FAM219A: variants seen among roughly 807,000 people sequenced by gnomAD.
FAM219A encodes protein FAM219A.
A neutral mutation model predicts 23.4 loss-of-function variants in FAM219A; 7 were observed. That is an observed-to-expected ratio of 0.30 (90% CI 0.17 to 0.56). The LOEUF (loss-of-function observed/expected upper bound fraction) is 0.56. Ranked by LOEUF, FAM219A falls within the 20% of genes least tolerant of loss-of-function variation. The pLI, the probability that FAM219A is intolerant of heterozygous loss-of-function variation, is 0.92. For synonymous variants in FAM219A, 93 were observed against 99.0 expected, an observed-to-expected ratio of 0.94 and a Z score of 0.36; for missense variants, 166 against 246.9, an observed-to-expected ratio of 0.67 and a Z score of 2.20.
chr9:34,416,314 G>GGAAGGAAGGAAC (rs1461937189), intron 1 of FAM219A, among the ~76,000 whole-genome samples: 20 of 109,934 alleles, frequency 1.8e-4, no homozygotes, highest in South Asian at 1.0e-3. Flanking sequence ...AAGGAACGAA[G>GGAAGGAAGGAAC]GAAGGAAGGA....
At chr9:34,429,720 C>A (rs1035939967) in intron 1 of FAM219A, among the ~76,000 whole-genome samples, 1 of 152,040 alleles carries the variant, frequency 6.6e-6, no homozygotes, top group Admixed American at 6.6e-5. Context: ...GCTACAACAC[C>A]CACCTCATGT....
intron 1 of FAM219A, among the ~76,000 whole-genome samples, chr9:34,443,701 C>A (rs1823267613): frequency 6.6e-6 from 1 of 152,218 alleles, no homozygotes; most frequent in South Asian, 2.1e-4. Context: ...ACCCAGCCTA[C>A]TTACCACTGC....
At chr9:34,451,648 T>C (rs576027384) in intron 1 of FAM219A, among the ~76,000 whole-genome samples, 2 of 152,222 alleles carry the variant, frequency 1.3e-5, no homozygotes, top group Admixed American at 1.3e-4. Context: ...CTGGGCTATA[T>C]AGGCAGTCAA....
chr9:34,455,146 G>A (rs1823685059), intron 1 of FAM219A, among the ~76,000 whole-genome samples: 1 of 152,182 alleles, frequency 6.6e-6, no homozygotes, highest in Admixed American at 6.5e-5. Flanking sequence ...TAATATTTGG[G>A]ACAGAGCAGA....
At chr9:34,440,577 G>A (rs544704718) in intron 1 of FAM219A, among the ~76,000 whole-genome samples, 111 of 151,286 alleles carry the variant, frequency 7.3e-4, no homozygotes, top group Admixed American at 1.3e-3. Context: ...TTGGCCAGGC[G>A]TGGTGGCTCA....
chr9:34,405,582 C>T (rs753747185), intron 2 of FAM219A, among the ~76,000 whole-genome samples: 3 of 152,172 alleles, frequency 2.0e-5, no homozygotes, highest in Non-Finnish European at 4.4e-5. Context: ...CTTCCAAGTC[C>T]TCTCTCTGGG....
intron 1 of FAM219A, among the ~76,000 whole-genome samples, chr9:34,451,197 C>A (rs1329833762): frequency 1.3e-5 from 2 of 152,206 alleles, no homozygotes; most frequent in African/African-American, 2.4e-5. Context: ...TCCCTCCCTG[C>A]AGCCAGAAGT....
chr9:34,402,239 T>C, intron 4 of FAM219A, 148 bp downstream of exon 4: 1 of 1,605,152 alleles, frequency 6.2e-7, no homozygotes, highest in Non-Finnish European at 8.5e-7. Context: ...TGTAAAAAAA[T>C]TCCCATCCCT....
intron 2 of FAM219A, 108 bp downstream of exon 2, chr9:34,405,757 T>C: frequency 8.9e-7 from 1 of 1,120,528 alleles, no homozygotes; most frequent in Non-Finnish European, 1.3e-6. Context: ...GGCTTGAGTC[T>C]TGGAATCATC....
Position 34,437,961 on chromosome 9 carries a change from G to A in FAM219A, c.60+20243C>T, listed in dbSNP as rs968253020. Among the ~76,000 whole-genome samples the A allele has an allele frequency of 3.3e-5, 5 of 151,772 alleles. No individual in the cohort carries two copies. The East Asian group carries it at 5.8e-4, about 18-fold the overall frequency. ...AGCGGGAACCCGGGCTGCGCGTGGC[G>A]CTTGCGGGCCACCTGGAGTTCCGAG... is the stretch of plus-strand genomic sequence containing the variant. On this transcript the variant is annotated intron_variant, in intron 1 of 5. Transcript: ENST00000651358.
At position 34,399,210 on chromosome 9, in the gene FAM219A, A is replaced by G. The variant is rs959497030; in HGVS notation, c.*1754T>C. 3 of 152,160 alleles carry G rather than the reference A, an allele frequency of 2.0e-5. No homozygotes were observed. Among genetic ancestry groups the G allele is most frequent in the African/African-American group, 7.2e-5 (3 of 41,390 alleles). 9.4% of individuals were successfully genotyped at this position (152,160 alleles called of 1,614,324 possible). On this transcript the variant is annotated 3_prime_UTR_variant, in exon 6 of 6. Transcript: ENST00000651358. ...AGCACATGTGGGGTGTTAGCATGAG[A>G]TGATCCACCTGGGCCTGTGCTATAA... is the stretch of plus-strand genomic sequence containing the variant.
At position 34,458,046 on chromosome 9, in the gene FAM219A, T is replaced by C. The variant is rs568544152; in HGVS notation, c.60+158A>G. On this transcript the variant is annotated intron_variant, in intron 1 of 5. Coordinates refer to ENST00000651358, the MANE Select transcript of FAM219A (RefSeq NM_001184940.2). This position sits in a 1 kb window ranked among gnomAD's most constrained non-coding sequence, Gnocchi z 6.6. Reference sequence around the variant, plus strand: ...TCCAGCATATTCTCCCACGGTTTTCTTGTCCTGCAAGTCCCCGTCCCCCGG... The same window carrying C: ...TCCAGCATATTCTCCCACGGTTTTCCTGTCCTGCAAGTCCCCGTCCCCCGG... Among the ~76,000 whole-genome samples, 1 of 152,342 alleles carries C rather than the reference T, an allele frequency of 6.6e-6. No homozygotes were observed. Among genetic ancestry groups the C allele is most frequent in the African/African-American group, 2.4e-5 (1 of 41,590 alleles).
intron 1 of FAM219A, among the ~76,000 whole-genome samples, chr9:34,448,505 A>G (rs1474110869): frequency 6.6e-6 from 1 of 152,230 alleles, no homozygotes; most frequent in Non-Finnish European, 1.5e-5. Flanking sequence ...TTTATCATCC[A>G]TGCTTTATGT....
At chr9:34,429,179 C>G (rs1454457910) in intron 1 of FAM219A, among the ~76,000 whole-genome samples, 1 of 152,218 alleles carries the variant, frequency 6.6e-6, no homozygotes, top group Non-Finnish European at 1.5e-5. Context: ...CAGCTGTTCT[C>G]TCAGGGTTTC....
At chr9:34,422,167 C>T (rs961025803) in intron 1 of FAM219A, among the ~76,000 whole-genome samples, 20 of 152,144 alleles carry the variant, frequency 1.3e-4, no homozygotes, top group African/African-American at 4.6e-4. Context: ...GGGAGTTGTT[C>T]GGAACAATTT....
chr9:34,410,127 T>A (rs1282383161), intron 1 of FAM219A, among the ~76,000 whole-genome samples: 1 of 152,238 alleles, frequency 6.6e-6, no homozygotes, highest in African/African-American at 2.4e-5. Context: ...TGATTTGGGC[T>A]TGGAGCTAAA....
At chr9:34,425,608 G>A (rs1448141548) in intron 1 of FAM219A, among the ~76,000 whole-genome samples, 2 of 152,216 alleles carry the variant, frequency 1.3e-5, no homozygotes, top group Non-Finnish European at 2.9e-5. Flanking sequence ...GTTGAAAAAT[G>A]TGCAGTTAGT....
At chr9:34,418,934 G>C (rs1203012776) in intron 1 of FAM219A, among the ~76,000 whole-genome samples, 1 of 152,070 alleles carries the variant, frequency 6.6e-6, no homozygotes, top group Non-Finnish European at 1.5e-5. Flanking sequence ...AATTAGCCAG[G>C]TGTAGTGTTG....
At chr9:34,416,942 T>C (rs1001432622) in intron 1 of FAM219A, among the ~76,000 whole-genome samples, 1 of 151,374 alleles carries the variant, frequency 6.6e-6, no homozygotes, top group African/African-American at 2.4e-5. Context: ...ATCCTACTAC[T>C]TCAGCTTCCC....
Sources: gnomAD v4.1 joint callset for allele counts (sites outside exome capture counted in the v4.1 genomes callset) on GRCh38, gnomAD v4.1.1 for gene constraint, Gnocchi (gnomAD v3.1) non-coding constraint, MANE v1.5 for transcripts, NCBI Gene and HGNC (gene_info 2026-07-23, HGNC 2026-07-21) for gene names.